The following ABCD2 variants were observed in gnomAD, a reference collection of about 807,000 sequenced individuals.
The protein encoded by ABCD2 is ATP binding cassette subfamily D member 2.
Under a neutral mutation model 70.9 loss-of-function variants are expected in ABCD2, and 36 were observed. That is an observed-to-expected ratio of 0.51 (90% CI 0.39 to 0.67). The LOEUF is 0.67. Among genes scored for constraint, ABCD2 ranks in the 30% least tolerant of loss-of-function variants. The pLI is 0.00. For synonymous variants in ABCD2, 304 were observed against 306.9 expected (o/e 0.99, Z 0.10); for missense variants, 729 against 890.2 (o/e 0.82, Z 2.30).
Position 39,586,259 on chromosome 12 carries a change from A to G in ABCD2, c.1685T>C (p.Ile562Thr). 6.2e-7 allele frequency: 1 copy of G among 1,613,502 alleles called. No individual in the cohort carries two copies. The highest frequency in any genetic ancestry group is 8.5e-7 in the Non-Finnish European group (1 of 1,179,664). ...MSLGSLRDQV[I>T]YPDSVDDMHD... ...CATATCATCCACTGAATCAGGGTAA[A>G]TGACTTGATCCCGAAGACTTCCAAG... The change falls in exon 7 of 10, where the codon ATT becomes ACT. Residue 562 changes from isoleucine to threonine, a missense_variant. By Grantham distance (89) the Ile-to-Thr change is moderately conservative. Transcript: ENST00000308666.
chr12:39,569,669 C>CTGGGGAGTGGTT (rs1941418206), intron 9 of ABCD2, among the ~76,000 whole-genome samples: 1 of 152,178 alleles, frequency 6.6e-6, no homozygotes, highest in Non-Finnish European at 1.5e-5. Flanking sequence ...GTGAGATGAA[C>CTGGGGAGTGGTT]CCGGTACCTC....
chr12:39,605,233 A>G (rs1941953689), intron 3 of ABCD2, among the ~76,000 whole-genome samples: 1 of 152,100 alleles, frequency 6.6e-6, no homozygotes, highest in Non-Finnish European at 1.5e-5. Flanking sequence ...TTCATTTCCA[A>G]TAAATTATAA....
intron 7 of ABCD2, among the ~76,000 whole-genome samples, chr12:39,580,230 C>T (rs975447041): frequency 3.3e-5 from 5 of 152,126 alleles, no homozygotes; most frequent in African/African-American, 9.7e-5. Context: ...TGTGAGCTGC[C>T]AGATGGGGCC....
At chr12:39,600,820 C>A in intron 5 of ABCD2, 104 bp from the exon 6 acceptor site, 3 of 1,085,058 alleles carry the variant, frequency 2.8e-6, no homozygotes, top group South Asian at 1.6e-5. Flanking sequence ...AACATGATAA[C>A]CTAGGTTGGG....
chr12:39,532,802 T>C, the ABCD2 span, among the ~76,000 whole-genome samples: 1 of 152,056 alleles, frequency 6.6e-6, no homozygotes, highest in South Asian at 2.1e-4. Context: ...AGATAAAATG[T>C]TTTTAAGTTA....
the ABCD2 span, among the ~76,000 whole-genome samples, chr12:39,538,398 C>T: frequency 6.6e-6 from 1 of 152,084 alleles, no homozygotes. Context: ...TGGTCTCAAA[C>T]TCCTGGCCCC....
At chr12:39,607,784 AT>A in intron 2 of ABCD2, 70 bp from the exon 3 acceptor site, 1 of 992,266 alleles carries the variant, frequency 1.0e-6, no homozygotes, top group Non-Finnish European at 1.5e-6. Context: ...AATGTTTTAT[AT>A]TATACAAACT....
intron 9 of ABCD2, among the ~76,000 whole-genome samples, chr12:39,559,053 T>C (rs1345393827): frequency 6.6e-6 from 1 of 152,096 alleles, no homozygotes; most frequent in Non-Finnish European, 1.5e-5. Flanking sequence ...GAAGAAAGCT[T>C]ATGGGACTTA....
chr12:39,568,075 A>G (rs1214243597), intron 9 of ABCD2, among the ~76,000 whole-genome samples: 3 of 151,710 alleles, frequency 2.0e-5, no homozygotes, highest in Non-Finnish European at 4.4e-5. Flanking sequence ...CCTTCATTTC[A>G]ACTTTGGTGA....
chr12:39,602,362 C>T (rs1941911313), intron 5 of ABCD2, among the ~76,000 whole-genome samples: 1 of 151,832 alleles, frequency 6.6e-6, no homozygotes, highest in African/African-American at 2.4e-5. Flanking sequence ...CCATGTTGGC[C>T]AGGCTGGTCT....
intron 9 of ABCD2, among the ~76,000 whole-genome samples, chr12:39,563,559 G>A (rs1941293676): frequency 6.6e-6 from 1 of 152,112 alleles, no homozygotes. Context: ...AAAGGAAAAA[G>A]ATAAATAAAG....
At position 39,604,822 on chromosome 12, in the gene ABCD2, T is replaced by A. The variant is rs1174704545; in HGVS notation, c.1345A>T (p.Ser449Cys). 1 of 1,612,266 alleles carries A rather than the reference T, an allele frequency of 6.2e-7. No individual in the cohort carries two copies. Among genetic ancestry groups the A allele is most frequent in the Non-Finnish European group, 8.5e-7 (1 of 1,179,190 alleles). Reference protein sequence around the residue: ...KRTAVIQESESHSKNGAKVEL... With the variant: ...KRTAVIQESECHSKNGAKVEL... ...ACCTTAGCTCCATTCTTGCTATGGC[T>A]TTCAGATTCTTGAATGACAGCAGTT... is the stretch of plus-strand genomic sequence containing the variant. Residue 449 changes from serine to cysteine, a missense_variant, in exon 4 of 10, where the codon AGC becomes TGC. Transcript: ENST00000308666.
intron 5 of ABCD2, among the ~76,000 whole-genome samples, chr12:39,602,571 G>T (rs1234405822): frequency 2.0e-5 from 3 of 152,072 alleles, no homozygotes; most frequent in Non-Finnish European, 4.4e-5. Flanking sequence ...AGGGACCTGA[G>T]AATTTAAATA....
intron 9 of ABCD2, among the ~76,000 whole-genome samples, chr12:39,572,303 G>A (rs910570380): frequency 2.0e-5 from 3 of 152,106 alleles, no homozygotes; most frequent in Admixed American, 2.0e-4. Flanking sequence ...GGAAATCAAG[G>A]TTCATACCAA....
intron 6 of ABCD2, among the ~76,000 whole-genome samples, chr12:39,586,648 G>A (rs527697022): frequency 4.3e-4 from 65 of 152,076 alleles, no homozygotes; most frequent in African/African-American, 1.5e-3. Context: ...CTCCTAACTT[G>A]GCCTCCCAAA....
rs188241882 is a variant in ABCD2 at position 39,554,040 on chromosome 12, C to G, written c.2095G>C (p.Glu699Gln). ...DTAIRLTLSEEKQKLESQLAG... is the reference protein window; with the variant it reads ...DTAIRLTLSEQKQKLESQLAG... The stretch of plus-strand genomic sequence containing the variant: ...AGCTGAGATTCTAGCTTTTGTTTTT[C>G]TTCACTCAATGTCAAACGGATAGCA... The change falls in exon 10 of 10, where the codon GAA becomes CAA. Residue 699 changes from glutamate (E) to glutamine (Q), a missense_variant. Coordinates refer to ENST00000308666, the MANE Select transcript of ABCD2 (RefSeq NM_005164.4). 3.3e-5 allele frequency: 53 copies of G among 1,613,598 alleles called. No homozygotes were observed. The East Asian group carries it at 1.1e-3, about 35-fold the overall frequency.
chr12:39,593,446 C>T (rs1022779621), intron 6 of ABCD2, among the ~76,000 whole-genome samples: 2 of 151,956 alleles, frequency 1.3e-5, no homozygotes, highest in African/African-American at 2.4e-5. Context: ...TTGACGGGGT[C>T]CCCCTATGTT....
rs1481025060 is a variant in ABCD2, at chr12:39,553,961, C to T, written c.2174G>A (p.Gly725Glu). 1.2e-6 allele frequency: 2 copies of T among 1,613,028 alleles called. No homozygotes were observed. The highest frequency in any genetic ancestry group is 1.3e-5 in the African/African-American group (1 of 75,000). The change falls in exon 10 of 10, where the codon GGA becomes GAA. Residue 725 changes from glycine to glutamate, a missense_variant. Physicochemically the swap from Gly to Glu is moderately conservative, Grantham distance 98. Around this residue, in one of 3 missense-constraint regions of ABCD2, gnomAD observed 289 missense variants for 328.8 expected, o/e 0.88. Coordinates refer to ENST00000308666, the MANE Select transcript of ABCD2 (RefSeq NM_005164.4). ...AATTGTTTTCAGCACTGAGTCTTCT[C>T]CCAAAATTTTACATAGTTCATTGAG... Reference protein sequence around the residue: ...QRLNELCKILGEDSVLKTIKN... With the variant: ...QRLNELCKILEEDSVLKTIKN...
chr12:39,597,812 A>T (rs547178361), intron 6 of ABCD2, among the ~76,000 whole-genome samples: 2 of 152,340 alleles, frequency 1.3e-5, no homozygotes, highest in South Asian at 4.1e-4. Flanking sequence ...TGTCATTAAT[A>T]AAGATAGGAT....
Sources: allele counts gnomAD v4.1 joint callset (sites outside exome capture counted in the v4.1 genomes callset), GRCh38; gene constraint gnomAD v4.1.1; regional missense constraint gnomAD v4.1.1; transcripts MANE v1.5; gene names NCBI Gene and HGNC (gene_info 2026-07-23, HGNC 2026-07-21).